Variants in LRP6 observed in about 807,000 individuals in gnomAD.
The protein encoded by LRP6 is low-density lipoprotein receptor-related protein 6.
Under a neutral mutation model 184.1 loss-of-function variants are expected in LRP6, and 43 were observed. The observed-to-expected ratio is 0.23, with a 90% CI of 0.18 to 0.30. The LOEUF (loss-of-function observed/expected upper bound fraction) is 0.30. LRP6 is among the 10% of genes least tolerant of loss of function. LRP6 has a pLI of 1.00. For missense variants in LRP6, 1,571 were observed against 2,005.3 expected (o/e 0.78, Z 4.14); for synonymous variants, 719 against 684.9 (o/e 1.05, Z -0.78).
chr12:12,212,714 T>C (rs978533076), intron 2 of LRP6, among the ~76,000 whole-genome samples: 1 of 152,240 alleles, frequency 6.6e-6, no homozygotes, highest in Admixed American at 6.5e-5. Context: ...TATATATGCT[T>C]CACTGACTTT....
At chr12:12,177,489 A>C (rs1189412130) in intron 7 of LRP6, among the ~76,000 whole-genome samples, 1 of 152,242 alleles carries the variant, frequency 6.6e-6, no homozygotes, top group Non-Finnish European at 1.5e-5. Flanking sequence ...AATCACTACT[A>C]GTCTCAGGAT....
intron 19 of LRP6, 87 bp downstream of exon 19, chr12:12,130,696 A>C (rs184393641): frequency 1.8e-5 from 14 of 778,746 alleles, no homozygotes; most frequent in Non-Finnish European, 3.0e-5. Flanking sequence ...TTAGAAAGGA[A>C]ATCTCGATAA....
chr12:12,235,243 G>T lies in LRP6; in HGVS notation c.449+9019C>A, dbSNP rs545450348. 2.6e-5 allele frequency among the ~76,000 whole-genome samples: 4 copies of T among 152,238 alleles called. No individual in the cohort carries two copies. In the East Asian group the frequency reaches 7.7e-4, roughly 29 times the overall value. On this transcript the variant is annotated intron_variant, in intron 2 of 22. Transcript: ENST00000261349. Reference sequence around the variant, plus strand: ...GAGAGCCAGGTTTCTCACTATCACAGAATAGAAGTAAATATCCCAAGTAAG... The same window carrying T: ...GAGAGCCAGGTTTCTCACTATCACATAATAGAAGTAAATATCCCAAGTAAG...
chr12:12,228,363 CA>C (rs553539541), intron 2 of LRP6, among the ~76,000 whole-genome samples: 5 of 145,494 alleles, frequency 3.4e-5, no homozygotes, highest in Admixed American at 6.8e-5. Flanking sequence ...GGCTCCATCT[CA>C]AAAAAAAAAG....
intron 20 of LRP6, among the ~76,000 whole-genome samples, chr12:12,126,124 AAAG>A (rs1949668619): frequency 6.6e-6 from 1 of 152,218 alleles, no homozygotes; most frequent in Non-Finnish European, 1.5e-5. Flanking sequence ...AAAACATTAA[AAAG>A]AAGGCCAGTT....
intron 8 of LRP6, 21 bp downstream of exon 8, chr12:12,165,058 G>T: frequency 6.4e-7 from 1 of 1,561,270 alleles, no homozygotes. Context: ...CCATTTCTAA[G>T]AAAGCTTTGG....
chr12:12,257,265 C>G (rs369428321), intron 1 of LRP6, among the ~76,000 whole-genome samples: 1 of 151,974 alleles, frequency 6.6e-6, no homozygotes, highest in East Asian at 1.9e-4. Context: ...AATTATAGCT[C>G]CAAAAAACTT....
intron 12 of LRP6, among the ~76,000 whole-genome samples, chr12:12,157,478 A>T (rs1372879597): frequency 1.3e-5 from 2 of 152,246 alleles, no homozygotes; most frequent in East Asian, 1.9e-4. Flanking sequence ...TTATTATTCC[A>T]ATTTTACAAA....
intron 1 of LRP6, among the ~76,000 whole-genome samples, chr12:12,263,318 G>C (rs949354416): frequency 6.6e-6 from 1 of 151,780 alleles, no homozygotes; most frequent in East Asian, 1.9e-4. Flanking sequence ...GCTCACGCCT[G>C]TAATTCCAGG....
chr12:12,155,194 T>TCAAACAAA (rs200217851), intron 12 of LRP6: 8 of 578,030 alleles, frequency 1.4e-5, no homozygotes, highest in South Asian at 5.0e-5. Flanking sequence ...AGACTCTGTC[T>TCAAACAAA]CAAACAAACA....
chr12:12,210,243 G>T (rs893816156), intron 2 of LRP6, among the ~76,000 whole-genome samples: 15 of 152,186 alleles, frequency 9.9e-5, no homozygotes, highest in African/African-American at 3.6e-4. Flanking sequence ...GGCAACAGAA[G>T]TTGAGGACTG....
chr12:12,158,979 C>T lies in LRP6; in HGVS notation c.2641G>A (p.Val881Ile), dbSNP rs767098954. Residue 881 changes from valine (V) to isoleucine (I), a missense_variant, in exon 12 of 23, where the codon GTC (valine) becomes ATC (isoleucine). Physicochemically the swap from Val to Ile is conservative, Grantham distance 29. Transcript: ENST00000261349. ...GHLDYVMDIL[V>I]FHSSRQSGWN... ...CCTGACTGTCGAGATGAGTGAAAGACGAGGATGTCCATCACATAATCCAAA... is the reference window on the plus strand; with the variant it reads ...CCTGACTGTCGAGATGAGTGAAAGATGAGGATGTCCATCACATAATCCAAA... 25 of 1,614,080 alleles carry T rather than the reference C, an allele frequency of 1.5e-5. No homozygotes were observed. Among genetic ancestry groups the T allele is most frequent in the Middle Eastern group, 1.6e-4 (1 of 6,084 alleles).
In LRP6 at chr12:12,149,133, G is replaced by A. The variant is rs1217613501; in HGVS notation, c.3015C>T (p.Ser1005=). The change falls in exon 14 of 23, where the codon AGC becomes AGT. Residue 1005 remains serine (S), a synonymous_variant. Coordinates refer to ENST00000261349, the MANE Select transcript of LRP6 (RefSeq NM_002336.3). ...DGSQGFTVVV[S]SVPSQNLEIQ... The stretch of plus-strand genomic sequence containing the variant: ...TTTCCAGGTTCTGACTCGGAACTGA[G>A]CTCACAACCACAGTAAAGCCCTAGG... 2 of 1,613,864 alleles carry A rather than the reference G, an allele frequency of 1.2e-6. No individual in the cohort carries two copies. The highest frequency in any genetic ancestry group is 1.7e-6 in the Non-Finnish European group (2 of 1,179,900).
Position 12,132,410 on chromosome 12 carries a change from T to C in LRP6, c.3734-353A>G, listed in dbSNP as rs187540569. ...AAAGTTAGCCTAGCACTCAAAAGTT[T>C]TCTAGCTCTAAGCTTCTCAAAGGAT... On this transcript the variant is annotated intron_variant, in intron 17 of 22. Transcript: ENST00000261349. Among the ~76,000 whole-genome samples, 369 of 152,346 alleles carry C rather than the reference T, an allele frequency of 2.4e-3. 1 individual carries two copies. The highest frequency in any genetic ancestry group is 8.6e-3 in the African/African-American group (358 of 41,584).
chr12:12,205,333 A>C (rs2541282), intron 2 of LRP6, among the ~76,000 whole-genome samples: 1,584 of 86,314 alleles, frequency 0.018, 2 homozygotes, highest in Middle Eastern at 0.03. Flanking sequence ...AACAAACAAA[A>C]AAAAAAAAAA....
intron 2 of LRP6, among the ~76,000 whole-genome samples, chr12:12,241,165 C>G (rs1322888476): frequency 6.6e-6 from 1 of 152,092 alleles, no homozygotes; most frequent in Non-Finnish European, 1.5e-5. Flanking sequence ...TTTCCCTTTA[C>G]GTAAGTTGCT....
Position 12,121,128 on chromosome 12 carries a change from A to C in LRP6, c.4840T>G (p.Ter1614GlyextTer7). ...AGTCAGAGGAGGAGGGCCCCTCCTC[A>C]GGAGGAGTCTGTACAGGGAGAGGGT... ...PPPSPCTDSS[*>G] Residue 1614 changes from the stop codon to glycine, a stop_lost, in exon 23 of 23, where the codon TGA (stop) becomes GGA (glycine). Coordinates refer to ENST00000261349, the MANE Select transcript of LRP6 (RefSeq NM_002336.3). 1 of 1,596,860 alleles carries C rather than the reference A, an allele frequency of 6.3e-7. No homozygotes were observed. Among genetic ancestry groups the C allele is most frequent in the Non-Finnish European group, 8.6e-7 (1 of 1,168,444 alleles).
chr12:12,206,717 G>A (rs1052480488), intron 2 of LRP6, among the ~76,000 whole-genome samples: 3 of 151,752 alleles, frequency 2.0e-5, no homozygotes, highest in African/African-American at 7.3e-5. Flanking sequence ...AGAACAGCCT[G>A]AGCAACACAG....
intron 4 of LRP6, among the ~76,000 whole-genome samples, chr12:12,185,311 A>T (rs1863442181): frequency 6.6e-6 from 1 of 152,112 alleles, no homozygotes; most frequent in Non-Finnish European, 1.5e-5. Flanking sequence ...AAACAGGGAA[A>T]ATTCTCTTTT....
Sources: gnomAD v4.1 joint callset for allele counts (sites outside exome capture counted in the v4.1 genomes callset) on GRCh38, gnomAD v4.1.1 for gene constraint, MANE v1.5 for transcripts, NCBI Gene and HGNC (gene_info 2026-07-23, HGNC 2026-07-21) for gene names.